The following DTNBP1 variants were observed in gnomAD, a reference collection of about 807,000 sequenced individuals.
DTNBP1 encodes the protein dysbindin.
In DTNBP1, 35 loss-of-function variants were observed where a neutral mutation model predicts 42.8. That is an observed-to-expected ratio of 0.82 (90% confidence interval 0.63 to 1.09). DTNBP1 has a LOEUF of 1.09. Among genes scored for constraint, DTNBP1 ranks in the 50% least tolerant of loss-of-function variants. DTNBP1 has a pLI of 0.00. For missense variants in DTNBP1, 457 were observed against 424.2 expected (o/e 1.08, Z -0.68); for synonymous variants, 171 against 162.2 (o/e 1.05, Z -0.41).
intron 6 of DTNBP1, among the ~76,000 whole-genome samples, chr6:15,603,774 C>A (rs964837693): frequency 2.6e-5 from 4 of 152,184 alleles, no homozygotes; most frequent in Non-Finnish European, 4.4e-5. Flanking sequence ...TTCACCGAGT[C>A]CACTTCCCAA....
At chr6:15,615,483 T>C (rs946347762) in intron 5 of DTNBP1, 84 bp from the exon 6 acceptor site, 21 of 1,551,956 alleles carry the variant, frequency 1.4e-5, no homozygotes, top group Non-Finnish European at 1.7e-5. Flanking sequence ...AAGGTAAAAG[T>C]TCACATTGTT....
chr6:15,595,534 T>C (rs941055644), intron 6 of DTNBP1, among the ~76,000 whole-genome samples: 2 of 152,150 alleles, frequency 1.3e-5, no homozygotes, highest in Non-Finnish European at 2.9e-5. Flanking sequence ...CCCAAAGTCC[T>C]GGGATTACAG....
intron 6 of DTNBP1, among the ~76,000 whole-genome samples, chr6:15,600,313 A>G (rs757392652): frequency 1.6e-4 from 24 of 152,282 alleles, no homozygotes; most frequent in South Asian, 2.1e-4. Flanking sequence ...AACTCCTGAC[A>G]AGTTGTTTTA....
rs1481653091 is a variant in DTNBP1, at chr6:15,663,027, C to T, written c.-158G>A. The T allele has an allele frequency of 4.1e-6, 4 of 981,536 alleles. No individual in the cohort carries two copies. The highest frequency in any genetic ancestry group is 5.7e-6 in the Non-Finnish European group (4 of 705,004). The allele number at this position is 981,536 out of a possible 1,614,324, so 60.8% of individuals were successfully genotyped here. On this transcript the variant is annotated 5_prime_UTR_variant, in exon 1 of 10. Coordinates refer to ENST00000344537, the MANE Select transcript of DTNBP1 (RefSeq NM_032122.5). Reference sequence around the variant, plus strand: ...TGGTCCTCGCCGCCGCGCCGCAACCCCAGCCCCTTCCGCGTTCCCGCCCCG... The same window carrying T: ...TGGTCCTCGCCGCCGCGCCGCAACCTCAGCCCCTTCCGCGTTCCCGCCCCG...
chr6:15,554,206 C>T (rs1468179317), intron 7 of DTNBP1, among the ~76,000 whole-genome samples: 1 of 152,154 alleles, frequency 6.6e-6, no homozygotes, highest in Non-Finnish European at 1.5e-5. Context: ...TCCCATGTCA[C>T]ATAAAACTTA....
intron 7 of DTNBP1, among the ~76,000 whole-genome samples, chr6:15,559,210 C>A (rs926756544): frequency 5.9e-5 from 9 of 152,272 alleles, no homozygotes; most frequent in African/African-American, 2.2e-4. Flanking sequence ...TTGACAACGA[C>A]CAGTTGAAAG....
In DTNBP1 at chr6:15,652,014, C is replaced by G. The variant is rs1761027452; in HGVS notation, c.110+73G>C. The G allele has an allele frequency of 2.3e-6, 3 of 1,321,542 alleles. No homozygotes were observed. In the South Asian group the frequency reaches 3.6e-5, roughly 16 times the overall value. 81.9% of individuals were successfully genotyped at this position (1,321,542 alleles called of 1,614,324 possible). A position where few individuals can be genotyped will look rare whatever the true frequency, so the allele number is the denominator to read the frequency against. ...AATCTAAGGTTCATTAATATAACTA[C>G]ACAATTGTGAATACACCAAAAGTTG... On this transcript the variant is annotated intron_variant, in intron 2 of 9. Coordinates refer to ENST00000344537, the MANE Select transcript of DTNBP1 (RefSeq NM_032122.5).
chr6:15,603,437 T>G (rs1025377112), intron 6 of DTNBP1, among the ~76,000 whole-genome samples: 8 of 152,228 alleles, frequency 5.3e-5, no homozygotes, highest in Non-Finnish European at 1.0e-4. Flanking sequence ...TCTACTTCAC[T>G]TTTTGAACAG....
intron 7 of DTNBP1, among the ~76,000 whole-genome samples, chr6:15,552,894 C>G (rs1336462078): frequency 6.6e-6 from 1 of 151,960 alleles, no homozygotes; most frequent in Non-Finnish European, 1.5e-5. Flanking sequence ...AAAGTAGAAA[C>G]TCAAAAGTGA....
intron 7 of DTNBP1, chr6:15,548,494 CCATGTATAACACATTTGGAAGG>C (rs1486032873): frequency 2.0e-5 from 3 of 150,588 alleles, no homozygotes; most frequent in African/African-American, 7.4e-5. Flanking sequence ...ACAATTCTTC[CCATGTATAACACATTTGGAAGG>C]CAGGAAGGAC....
At chr6:15,554,935 G>A (rs1393522422) in intron 7 of DTNBP1, among the ~76,000 whole-genome samples, 1 of 152,046 alleles carries the variant, frequency 6.6e-6, no homozygotes, top group Non-Finnish European at 1.5e-5. Context: ...AAAGGGAGAA[G>A]CAGTGTCTGG....
chr6:15,626,764 T>G (rs1405358330), intron 5 of DTNBP1, among the ~76,000 whole-genome samples: 1 of 152,192 alleles, frequency 6.6e-6, no homozygotes, highest in Non-Finnish European at 1.5e-5. Context: ...TTGTTGTTGT[T>G]GTTTGAGACA....
intron 3 of DTNBP1, among the ~76,000 whole-genome samples, chr6:15,640,997 G>A (rs1377115621): frequency 6.6e-6 from 1 of 152,172 alleles, no homozygotes; most frequent in Admixed American, 6.5e-5. Flanking sequence ...TCTGTGCTCT[G>A]ATCACAATTG....
intron 7 of DTNBP1, among the ~76,000 whole-genome samples, chr6:15,554,206 C>A (rs1468179317): frequency 2.0e-5 from 3 of 152,272 alleles, no homozygotes; most frequent in South Asian, 2.1e-4. Flanking sequence ...TCCCATGTCA[C>A]ATAAAACTTA....
At chr6:15,529,356 T>C (rs924480728) in intron 8 of DTNBP1, among the ~76,000 whole-genome samples, 1 of 152,188 alleles carries the variant, frequency 6.6e-6, no homozygotes, top group African/African-American at 2.4e-5. Context: ...AATACATCAA[T>C]GAATAAATTA....
intron 3 of DTNBP1, among the ~76,000 whole-genome samples, chr6:15,647,221 T>C (rs537334632): frequency 3.3e-5 from 5 of 151,702 alleles, no homozygotes; most frequent in African/African-American, 7.3e-5. Context: ...TGAAGACATA[T>C]AAGAAGCCAA....
intron 6 of DTNBP1, among the ~76,000 whole-genome samples, chr6:15,613,162 T>C (rs1228440610): frequency 2.0e-4 from 31 of 151,544 alleles, no homozygotes; most frequent in Non-Finnish European, 4.4e-4. Context: ...AAAAAAAATT[T>C]GCTGGGCGTG....
At chr6:15,547,977 C>T (rs1374680824) in intron 7 of DTNBP1, among the ~76,000 whole-genome samples, 3 of 152,112 alleles carry the variant, frequency 2.0e-5, no homozygotes, top group Non-Finnish European at 4.4e-5. Flanking sequence ...AGAAAAAATA[C>T]ATACAAGCAA....
chr6:15,541,026 C>G (rs1190335844), intron 7 of DTNBP1, among the ~76,000 whole-genome samples: 1 of 152,082 alleles, frequency 6.6e-6, no homozygotes, highest in East Asian at 1.9e-4. Flanking sequence ...TGAAACATCC[C>G]CAGCTGTCCC....
Sources: gnomAD v4.1 joint callset for allele counts (sites outside exome capture counted in the v4.1 genomes callset) on GRCh38, gnomAD v4.1.1 for gene constraint, MANE v1.5 for transcripts, NCBI Gene and HGNC (gene_info 2026-07-23, HGNC 2026-07-21) for gene names.